PARD3B: variants seen among roughly 807,000 people sequenced by gnomAD.
The protein encoded by PARD3B is partitioning defective 3 homolog B.
In PARD3B, 103 loss-of-function variants were observed where a neutral mutation model predicts 130.2. The observed-to-expected ratio is 0.79, with a 90% CI of 0.67 to 0.93. The LOEUF (loss-of-function observed/expected upper bound fraction) is 0.93, where lower values mean the gene tolerates loss of function less well. Among genes scored for constraint, PARD3B ranks in the 40% least tolerant of loss-of-function variants. The probability of loss-of-function intolerance (pLI) is 0.00; values close to 1 mark genes in which losing one functional copy is unlikely to be tolerated. For synonymous variants in PARD3B, 583 were observed against 553.2 expected, an observed-to-expected ratio of 1.05 and a Z score of -0.76; for missense variants, 1,609 against 1,499.2, an observed-to-expected ratio of 1.07 and a Z score of -1.21.
At chr2:204,642,365 A>T (rs897031599) in intron 1 of PARD3B, among the ~76,000 whole-genome samples, 13 of 152,176 alleles carry the variant, frequency 8.5e-5, no homozygotes, top group Admixed American at 6.5e-5. Context: ...TCACACTGGA[A>T]ATTGGTCAGA....
At chr2:205,238,880 A>ATG (rs1240191527) in intron 15 of PARD3B, among the ~76,000 whole-genome samples, 1,486 of 58,386 alleles carry the variant, frequency 0.025, 38 homozygotes, top group African/African-American at 0.089. Context: ...ATATATATGT[A>ATG]TGTGTGTATA....
At chr2:205,342,777 C>A (rs942665210) in intron 18 of PARD3B, among the ~76,000 whole-genome samples, 1 of 152,150 alleles carries the variant, frequency 6.6e-6, no homozygotes, top group Non-Finnish European at 1.5e-5. Context: ...TTACTGTGTT[C>A]TTTGAACCTT....
At chr2:205,570,275 C>A (rs1024243192) in intron 22 of PARD3B, among the ~76,000 whole-genome samples, 2 of 152,004 alleles carry the variant, frequency 1.3e-5, no homozygotes, top group Non-Finnish European at 2.9e-5. Context: ...AATTTTGTAA[C>A]CCAATAAAAT....
At chr2:204,775,281 G>C (rs564493831) in intron 2 of PARD3B, among the ~76,000 whole-genome samples, 1 of 152,046 alleles carries the variant, frequency 6.6e-6, no homozygotes, top group Non-Finnish European at 1.5e-5. Context: ...ACTAATCTTG[G>C]ACAGTTTTAT....
At chr2:205,028,874 TA>T (rs1371619004) in intron 3 of PARD3B, among the ~76,000 whole-genome samples, 1 of 152,216 alleles carries the variant, frequency 6.6e-6, no homozygotes, top group Non-Finnish European at 1.5e-5. Flanking sequence ...GTTGTGTTTT[TA>T]TACACTAACA....
intron 16 of PARD3B, among the ~76,000 whole-genome samples, chr2:205,270,936 G>A (rs926451890): frequency 1.3e-5 from 2 of 152,166 alleles, no homozygotes; most frequent in African/African-American, 4.8e-5. Context: ...AGGCTAGGAA[G>A]TAAGAACATA....
chr2:205,466,795 C>T (rs1302888817), intron 20 of PARD3B, among the ~76,000 whole-genome samples: 1 of 152,234 alleles, frequency 6.6e-6, no homozygotes, highest in African/African-American at 2.4e-5. Flanking sequence ...TCACTGCAAT[C>T]TCCACCTCCC....
At chr2:205,499,171 T>C (rs917397582) in intron 20 of PARD3B, among the ~76,000 whole-genome samples, 1 of 152,022 alleles carries the variant, frequency 6.6e-6, no homozygotes, top group African/African-American at 2.4e-5. Flanking sequence ...TAATCTAAGC[T>C]ACAAGGGAGG....
chr2:204,576,932 T>C (rs1366721542), intron 1 of PARD3B, among the ~76,000 whole-genome samples: 1 of 152,212 alleles, frequency 6.6e-6, no homozygotes, highest in Non-Finnish European at 1.5e-5. Context: ...GCCGTGTTTT[T>C]AATGGATATT....
intron 1 of PARD3B, among the ~76,000 whole-genome samples, chr2:204,568,954 G>GAAAAAAAAAAAAA (rs368465299): frequency 1.9e-4 from 27 of 143,404 alleles, no homozygotes; most frequent in African/African-American, 5.9e-4. Flanking sequence ...GACTGTCTCA[G>GAAAAAAAAAAAAA]GAAAAAAAAA....
intron 10 of PARD3B, among the ~76,000 whole-genome samples, chr2:205,157,667 G>A (rs1406644567): frequency 1.3e-5 from 2 of 152,152 alleles, no homozygotes; most frequent in Non-Finnish European, 2.9e-5. Flanking sequence ...TCCCTTCAAT[G>A]TGACCTTAAG....
In PARD3B at chr2:205,524,201, T is replaced by G. The variant is rs568095105; in HGVS notation, c.3180+24170T>G. ...GTCTCTGCATTCATTTTGCCAAGCC[T>G]TTTTTGTGTTCTTTTTATTGATGGC... On this transcript the variant is annotated intron_variant, in intron 21 of 22. Coordinates refer to ENST00000406610, the MANE Select transcript of PARD3B (RefSeq NM_001302769.2). Among the ~76,000 whole-genome samples the G allele has an allele frequency of 6.0e-4, 92 of 152,288 alleles. 2 individuals carry two copies. In the South Asian group the frequency reaches 0.01, roughly 17 times the overall value.
chr2:205,212,137 A>G (rs557336638), intron 15 of PARD3B, among the ~76,000 whole-genome samples: 1 of 152,202 alleles, frequency 6.6e-6, no homozygotes, highest in East Asian at 1.9e-4. Flanking sequence ...GGCTAATAGT[A>G]CCACCTTATC....
rs34032930 is a variant in PARD3B, at chr2:205,310,719, C to CTTTTTT, written c.2630+9035_2630+9040dup. ...TATTTCTTCCTTTCTTTCTTTCTTT[C>CTTTTTT]TTTTTTTTTTTTTTTTTTTTTTGAG... On this transcript the variant is annotated intron_variant, in intron 18 of 22. Coordinates refer to ENST00000406610, the MANE Select transcript of PARD3B (RefSeq NM_001302769.2). Among the ~76,000 whole-genome samples, 263 of 82,600 alleles carry CTTTTTT rather than the reference C, an allele frequency of 3.2e-3. 5 individuals are homozygous for CTTTTTT. The highest frequency in any genetic ancestry group is 4.9e-3 in the African/African-American group (91 of 18,522). 54.2% of individuals were successfully genotyped at this position (82,600 alleles called of 152,430 possible).
intron 3 of PARD3B, among the ~76,000 whole-genome samples, chr2:204,992,577 A>T (rs932757304): frequency 6.0e-5 from 8 of 134,278 alleles, no homozygotes; most frequent in Non-Finnish European, 1.3e-4. Context: ...TTTTGGTTCC[A>T]TATGAACTTT....
intron 15 of PARD3B, among the ~76,000 whole-genome samples, chr2:205,219,412 A>C (rs6746095): frequency 0.79 from 119,625 of 152,114 alleles, 47,500 homozygotes; most frequent in East Asian, 0.98. Context: ...AAGTTAATAA[A>C]CTCTAATAAA....
chr2:205,440,238 C>T lies in PARD3B; in HGVS notation c.2742-132C>T. On this transcript the variant is annotated intron_variant, in intron 19 of 22. Coordinates refer to ENST00000406610, the MANE Select transcript of PARD3B (RefSeq NM_001302769.2). The surrounding 1 kb of genome is among the most constrained non-coding windows in gnomAD (Gnocchi z 4.2). ...CTTATGCTGTTGGCATTTCTGCATG[C>T]TGTGATCTTGAGTAAACAGGAGAAT... is the stretch of plus-strand genomic sequence containing the variant. 1.2e-6 allele frequency: 1 copy of T among 858,238 alleles called. No individual in the cohort carries two copies. The highest frequency in any genetic ancestry group is 1.8e-6 in the Non-Finnish European group (1 of 558,878). The allele number at this position is 858,238 out of a possible 1,614,324, so 53.2% of individuals were successfully genotyped here. A position where few individuals can be genotyped will look rare whatever the true frequency, so the allele number is the denominator to read the frequency against.
At chr2:205,483,379 C>T (rs1194417226) in intron 20 of PARD3B, among the ~76,000 whole-genome samples, 2 of 152,132 alleles carry the variant, frequency 1.3e-5, no homozygotes, top group Non-Finnish European at 2.9e-5. Context: ...GATATTCCTG[C>T]CATGGCAGAA....
chr2:205,270,587 G>A (rs2105796801), intron 16 of PARD3B, among the ~76,000 whole-genome samples: 1 of 151,228 alleles, frequency 6.6e-6, no homozygotes, highest in South Asian at 2.1e-4. Context: ...CAAAAAGAAA[G>A]AAAGAAAGAA....
Sources: gnomAD v4.1 joint callset for allele counts (sites outside exome capture counted in the v4.1 genomes callset) on GRCh38, gnomAD v4.1.1 for gene constraint, Gnocchi (gnomAD v3.1) non-coding constraint, MANE v1.5 for transcripts, NCBI Gene and HGNC (gene_info 2026-07-23, HGNC 2026-07-21) for gene names.